The following PRUNE2 variants were observed in gnomAD, a reference collection of about 807,000 sequenced individuals.
The protein encoded by PRUNE2 is prune homolog 2 with BCH domain, also known as protein prune homolog 2.
In PRUNE2, 164 loss-of-function variants were observed where a neutral mutation model predicts 252.0. The ratio of observed to expected loss-of-function variants is 0.65; its 90% CI spans 0.57 to 0.74. The LOEUF (loss-of-function observed/expected upper bound fraction) is 0.74, where lower values mean the gene tolerates loss of function less well. PRUNE2 is among the 30% of genes least tolerant of loss of function. The pLI, the probability that PRUNE2 is intolerant of heterozygous loss-of-function variation, is 0.00. For synonymous variants in PRUNE2, 1,292 were observed against 1,350.2 expected (o/e 0.96, Z 0.94); for missense variants, 3,495 against 3,711.0 (o/e 0.94, Z 1.51).
intron 4 of PRUNE2, among the ~76,000 whole-genome samples, chr9:76,837,197 A>G (rs1166245573): frequency 2.6e-5 from 4 of 152,118 alleles, no homozygotes; most frequent in Admixed American, 2.0e-4. Flanking sequence ...TAATCCCAGA[A>G]CTTTGGGAGG....
Position 76,830,078 on chromosome 9 carries a change from T to G in PRUNE2, c.509-3346A>C, listed in dbSNP as rs2132083990. Among the ~76,000 whole-genome samples, 5 of 152,312 alleles carry G rather than the reference T, an allele frequency of 3.3e-5. No individual in the cohort carries two copies. In the Middle Eastern group the frequency reaches 0.017, roughly 518 times the overall value. On this transcript the variant is annotated intron_variant, in intron 4 of 18. Transcript: ENST00000376718. ...AAACTGTCAATTTAATAACTTAATT[T>G]CGAACTCAAATGTTTTTACAGCAGA...
At chr9:76,893,076 C>T (rs545940834) in intron 1 of PRUNE2, among the ~76,000 whole-genome samples, 2 of 152,010 alleles carry the variant, frequency 1.3e-5, no homozygotes, top group African/African-American at 2.4e-5. Context: ...CTTGTCTCTA[C>T]AAAATAAAAA....
At position 76,813,162 on chromosome 9, in the gene PRUNE2, A is replaced by T. The variant is rs574762707; in HGVS notation, c.756+10470T>A. Among the ~76,000 whole-genome samples the T allele has an allele frequency of 7.2e-5, 11 of 152,336 alleles. No homozygotes were observed. The East Asian group carries it at 2.1e-3, about 29-fold the overall frequency. ...TGGTAAGAGCATTTACGCTATGGAA[A>T]TTGGAAAATACTACAAATCAGAGCT... On this transcript the variant is annotated intron_variant, in intron 6 of 18. Transcript: ENST00000376718.
At chr9:76,686,975 G>A (rs1041025764) in intron 9 of PRUNE2, among the ~76,000 whole-genome samples, 7 of 152,044 alleles carry the variant, frequency 4.6e-5, no homozygotes, top group Admixed American at 2.0e-4. Context: ...TCCTGGCCTC[G>A]AGTGATCCTC....
intron 16 of PRUNE2, among the ~76,000 whole-genome samples, chr9:76,625,472 TCTC>T (rs1426893927): frequency 6.6e-6 from 1 of 152,180 alleles, no homozygotes; most frequent in Non-Finnish European, 1.5e-5. Flanking sequence ...AAGACGCACT[TCTC>T]AGAACATGTC....
At chr9:76,734,977 C>T (rs2048950653) in intron 6 of PRUNE2, among the ~76,000 whole-genome samples, 1 of 151,878 alleles carries the variant, frequency 6.6e-6, no homozygotes, top group Non-Finnish European at 1.5e-5. Flanking sequence ...ACAACACTGA[C>T]AAACAGAGGC....
rs146964769 is a variant in PRUNE2 at position 76,791,597 on chromosome 9, A to G, written c.756+32035T>C. On this transcript the variant is annotated intron_variant, in intron 6 of 18. Coordinates refer to ENST00000376718, the MANE Select transcript of PRUNE2 (RefSeq NM_015225.3). ...TCATTGGTACAATAATACTGCACCA[A>G]TTATCATTGGTACAATAATACTGCA... Among the ~76,000 whole-genome samples, 47 of 134,014 alleles carry G rather than the reference A, an allele frequency of 3.5e-4. 8 individuals carry two copies. The highest frequency in any genetic ancestry group is 1.6e-3 in the African/African-American group (44 of 28,192). The allele number at this position is 134,014 out of a possible 152,430, so 87.9% of individuals were successfully genotyped here.
intron 6 of PRUNE2, among the ~76,000 whole-genome samples, chr9:76,730,334 GC>G (rs1375268823): frequency 6.6e-6 from 1 of 152,154 alleles, no homozygotes; most frequent in African/African-American, 2.4e-5. Flanking sequence ...TAACTGTGCA[GC>G]CCTACCTCCT....
chr9:76,872,997 A>G (rs1216231445), intron 1 of PRUNE2, among the ~76,000 whole-genome samples: 1 of 152,152 alleles, frequency 6.6e-6, no homozygotes, highest in African/African-American at 2.4e-5. Flanking sequence ...AAATTTAAAC[A>G]CAGAGACGTG....
At position 76,880,156 on chromosome 9, in the gene PRUNE2, G is replaced by A. The variant is rs572851959; in HGVS notation, c.36+25772C>T. ...TCTCGATCTCCTGACCTTGTGATCCGCCCTCCTCGGCCTCCCAAAGTGCTG... is the reference window on the plus strand; with the variant it reads ...TCTCGATCTCCTGACCTTGTGATCCACCCTCCTCGGCCTCCCAAAGTGCTG... On this transcript the variant is annotated intron_variant, in intron 1 of 18. Transcript: ENST00000376718. Among the ~76,000 whole-genome samples the A allele has an allele frequency of 1.3e-3, 197 of 151,458 alleles. 1 individual carries two copies. The highest frequency in any genetic ancestry group is 4.6e-3 in the African/African-American group (189 of 41,174).
intron 1 of PRUNE2, chr9:76,862,593 G>T (rs2060614309): frequency 6.6e-6 from 1 of 151,970 alleles, no homozygotes; most frequent in African/African-American, 2.4e-5. Context: ...GAGTTTTAAA[G>T]CCCAAATGAG....
At chr9:76,876,898 T>C (rs1252771259) in intron 1 of PRUNE2, among the ~76,000 whole-genome samples, 1 of 152,142 alleles carries the variant, frequency 6.6e-6, no homozygotes, top group Non-Finnish European at 1.5e-5. Context: ...ATAATACAGG[T>C]TGACACATCT....
rs1247932182 is a variant in PRUNE2, at chr9:76,846,569, T to C, written c.454A>G (p.Ile152Val). ...ATGAGCTCAGGAGCCTCTTGGAGAATCTCCTTTAGCACGAGAGAAGAGGAA... is the reference window on the plus strand; with the variant it reads ...ATGAGCTCAGGAGCCTCTTGGAGAACCTCCTTTAGCACGAGAGAAGAGGAA... ...ESSSSLVLKE[I>V]LQEAPELITE... The change falls in exon 4 of 19, where the codon ATT becomes GTT. Residue 152 changes from isoleucine to valine, a missense_variant. Physicochemically the swap from Ile to Val is conservative, Grantham distance 29. Coordinates refer to ENST00000376718, the MANE Select transcript of PRUNE2 (RefSeq NM_015225.3). 3.7e-6 allele frequency: 6 copies of C among 1,614,078 alleles called. No individual in the cohort carries two copies. Among genetic ancestry groups the C allele is most frequent in the South Asian group, 1.1e-5 (1 of 91,080 alleles).
At chr9:76,894,101 G>A (rs7846795) in intron 1 of PRUNE2, among the ~76,000 whole-genome samples, 18,817 of 152,002 alleles carry the variant, frequency 0.12, 3,847 homozygotes, top group African/African-American at 0.43. Context: ...GAGAAAAAAC[G>A]AGTTCTCTCA....
chr9:76,671,742 A>G (rs1306209423), intron 9 of PRUNE2, among the ~76,000 whole-genome samples: 2 of 151,148 alleles, frequency 1.3e-5, no homozygotes, highest in African/African-American at 2.4e-5. Context: ...AGTGGGGGCC[A>G]ATATTCAACA....
At chr9:76,722,976 C>T (rs1436687867) in intron 6 of PRUNE2, among the ~76,000 whole-genome samples, 1 of 152,216 alleles carries the variant, frequency 6.6e-6, no homozygotes. Context: ...TTGGTTCTCT[C>T]TTGTCACTAC....
In PRUNE2 at chr9:76,843,672, C is replaced by T. The variant is rs146220604; in HGVS notation, c.508+2843G>A. 6.6e-5 allele frequency among the ~76,000 whole-genome samples: 10 copies of T among 150,738 alleles called. No homozygotes were observed. The East Asian group carries it at 1.9e-3, about 29-fold the overall frequency. Reference sequence around the variant, plus strand: ...TGATGTTACTACATAACTGGAAAACCATAAATTCTAAGTTTGAATTCAGTG... The same window carrying T: ...TGATGTTACTACATAACTGGAAAACTATAAATTCTAAGTTTGAATTCAGTG... On this transcript the variant is annotated intron_variant, in intron 4 of 18. Transcript: ENST00000376718.
intron 9 of PRUNE2, among the ~76,000 whole-genome samples, chr9:76,668,319 A>C (rs543115333): frequency 6.6e-6 from 1 of 152,342 alleles, no homozygotes; most frequent in East Asian, 1.9e-4. Flanking sequence ...ATAATTAAAA[A>C]TTTCTCAGAT....
At chr9:76,666,190 G>A (rs546356839) in intron 9 of PRUNE2, among the ~76,000 whole-genome samples, 11 of 152,230 alleles carry the variant, frequency 7.2e-5, no homozygotes, top group African/African-American at 1.4e-4. Flanking sequence ...GAAGACACCC[G>A]TTGCCAAGCG....
Sources: gnomAD v4.1 joint callset for allele counts (sites outside exome capture counted in the v4.1 genomes callset) on GRCh38, gnomAD v4.1.1 for gene constraint, MANE v1.5 for transcripts, NCBI Gene and HGNC (gene_info 2026-07-23, HGNC 2026-07-21) for gene names.